Variants in GABRA3 observed in about 807,000 individuals in gnomAD.
GABRA3 encodes gamma-aminobutyric acid type A receptor subunit alpha3, also known as gamma-aminobutyric acid receptor subunit alpha-3.
Under a neutral mutation model 30.1 loss-of-function variants are expected in GABRA3, and 10 were observed. That is an observed-to-expected ratio of 0.33 (90% CI 0.20 to 0.56). The LOEUF (loss-of-function observed/expected upper bound fraction) is 0.56. Among genes scored for constraint, GABRA3 ranks in the 20% least tolerant of loss-of-function variants. GABRA3 has a pLI of 0.89. For synonymous variants in GABRA3, 151 were observed against 146.8 expected (o/e 1.03, Z -0.21); for missense variants, 233 against 392.0 (o/e 0.59, Z 3.42).
At chrX:152,174,370 A>C (rs953042646) in intron 9 of GABRA3, among the ~76,000 whole-genome samples, 4 of 111,841 alleles carry the variant, frequency 3.6e-5, no homozygotes, top group Non-Finnish European at 7.5e-5. Flanking sequence ...CGCCACACTG[A>C]CTTCCGCAAT....
intron 5 of GABRA3, chrX:152,251,167 C>A (rs996727828): frequency 3.8e-5 from 12 of 317,015 alleles, no homozygotes; most frequent in Non-Finnish European, 6.2e-5. Flanking sequence ...TTCTGTACTT[C>A]CTCTATTCTG....
At chrX:152,213,887 T>C (rs1334686492) in intron 6 of GABRA3, among the ~76,000 whole-genome samples, 1 of 112,023 alleles carries the variant, frequency 8.9e-6, no homozygotes. Context: ...ATCAGTTGGC[T>C]GTAAATATGT....
intron 5 of GABRA3, among the ~76,000 whole-genome samples, chrX:152,231,295 A>G (rs1938072869): frequency 3.7e-5 from 4 of 109,015 alleles, no homozygotes; most frequent in Admixed American, 2.9e-4. Context: ...ATATACGTGT[A>G]TATATACGTG....
chrX:152,379,211 G>C (rs1365114737), intron 1 of GABRA3, among the ~76,000 whole-genome samples: 1 of 111,226 alleles, frequency 9.0e-6, no homozygotes, highest in Non-Finnish European at 1.9e-5. Context: ...AATGTACAAG[G>C]CTATAAAGAA....
intron 3 of GABRA3, among the ~76,000 whole-genome samples, chrX:152,307,206 T>C (rs1939732498): frequency 9.0e-6 from 1 of 111,552 alleles, no homozygotes; most frequent in African/African-American, 3.3e-5. Flanking sequence ...CACGGCCCTA[T>C]TGTGATAATT....
At chrX:152,279,111 T>C (rs1432692169) in intron 4 of GABRA3, among the ~76,000 whole-genome samples, 4 of 112,038 alleles carry the variant, frequency 3.6e-5, no homozygotes, top group African/African-American at 1.3e-4. Flanking sequence ...GCTCTTTAGT[T>C]TAATTAGATC....
intron 4 of GABRA3, among the ~76,000 whole-genome samples, chrX:152,279,840 T>G: frequency 9.0e-6 from 1 of 111,447 alleles, no homozygotes; most frequent in Middle Eastern, 4.7e-3. Context: ...CCTTGCAAGT[T>G]GGATTCCTAG....
intron 3 of GABRA3, among the ~76,000 whole-genome samples, chrX:152,327,132 A>C (rs1448644286): frequency 9.0e-6 from 1 of 111,335 alleles, no homozygotes; most frequent in Non-Finnish European, 1.9e-5. Flanking sequence ...TAGAGGGACC[A>C]ATTCAACAAG....
At chrX:152,187,857 G>T (rs1363057730) in intron 9 of GABRA3, among the ~76,000 whole-genome samples, 1 of 112,085 alleles carries the variant, frequency 8.9e-6, no homozygotes, top group Non-Finnish European at 1.9e-5. Context: ...CACAAACTTT[G>T]TTACAAAAGG....
chrX:152,191,768 C>T (rs1937327593), intron 8 of GABRA3, among the ~76,000 whole-genome samples: 2 of 110,642 alleles, frequency 1.8e-5, no homozygotes, highest in South Asian at 7.7e-4. Context: ...AGACTCCGTA[C>T]AATTTCAACA....
At chrX:152,261,461 G>A (rs1232144240) in intron 4 of GABRA3, among the ~76,000 whole-genome samples, 1 of 112,172 alleles carries the variant, frequency 8.9e-6, no homozygotes, top group Non-Finnish European at 1.9e-5. Flanking sequence ...TGGATACAAT[G>A]GGGGTACAGG....
chrX:152,393,735 AT>A (rs1929562412), intron 1 of GABRA3, among the ~76,000 whole-genome samples: 1 of 111,903 alleles, frequency 8.9e-6, no homozygotes, highest in Admixed American at 9.5e-5. Flanking sequence ...TTAAACCACG[AT>A]GTACACCCAG....
In GABRA3 at chrX:152,166,469, C is replaced by T. The variant is rs1296956476; in HGVS notation, c.*1759G>A. 9.5e-6 allele frequency: 1 copy of T among 104,744 alleles called. No individual in the cohort carries two copies. Among genetic ancestry groups the T allele is most frequent in the African/African-American group, 3.5e-5 (1 of 28,430 alleles). 8.6% of individuals were successfully genotyped at this position (104,744 alleles called of 1,213,427 possible). A position where few individuals can be genotyped will look rare whatever the true frequency, so the allele number is the denominator to read the frequency against. ...GAATAATGGGACGGGCATGCATTAT[C>T]CCAGCAATGGCAAGGAAGCAGGGGA... On this transcript the variant is annotated 3_prime_UTR_variant, in exon 10 of 10. Coordinates refer to ENST00000370314, the MANE Select transcript of GABRA3 (RefSeq NM_000808.4).
chrX:152,350,884 A>C (rs1262859615), intron 2 of GABRA3, among the ~76,000 whole-genome samples: 5 of 112,360 alleles, frequency 4.4e-5, no homozygotes, highest in African/African-American at 1.6e-4. Context: ...TTGTATTGTA[A>C]GGATGAAAAC....
At chrX:152,407,072 A>C (rs940530246) in intron 1 of GABRA3, among the ~76,000 whole-genome samples, 1 of 112,016 alleles carries the variant, frequency 8.9e-6, no homozygotes, top group Non-Finnish European at 1.9e-5. Context: ...AACATATCAA[A>C]GCCTATGGGG....
chrX:152,206,590 C>T (rs1210861027), intron 7 of GABRA3, among the ~76,000 whole-genome samples: 2 of 111,624 alleles, frequency 1.8e-5, no homozygotes, highest in African/African-American at 6.5e-5. Flanking sequence ...CTGTCTGGCT[C>T]TGCCCACACT....
chrX:152,441,706 A>G (rs140867559), intron 1 of GABRA3, among the ~76,000 whole-genome samples: 2 of 111,859 alleles, frequency 1.8e-5, no homozygotes, highest in Non-Finnish European at 3.8e-5. Flanking sequence ...ACATATAAAA[A>G]TTAGGCAATG....
chrX:152,219,286 G>A (rs573041523), intron 6 of GABRA3, among the ~76,000 whole-genome samples: 20 of 110,309 alleles, frequency 1.8e-4, no homozygotes, highest in African/African-American at 6.3e-4. Context: ...TATGAACACC[G>A]AAGTTACATT....
chrX:152,174,477 G>A (rs1348409105), intron 9 of GABRA3, among the ~76,000 whole-genome samples: 1 of 111,710 alleles, frequency 9.0e-6, no homozygotes, highest in Non-Finnish European at 1.9e-5. Flanking sequence ...TTTAACGATC[G>A]CCATTCTAAC....
Sources: gnomAD v4.1 joint callset for allele counts (sites outside exome capture counted in the v4.1 genomes callset) on GRCh38, gnomAD v4.1.1 for gene constraint, MANE v1.5 for transcripts, NCBI Gene and HGNC (gene_info 2026-07-23, HGNC 2026-07-21) for gene names.